The following FLCN variants were observed in gnomAD, a reference collection of about 807,000 sequenced individuals.
FLCN encodes the protein BHD skin lesion fibrofolliculoma protein.
Under a neutral mutation model 62.5 loss-of-function variants are expected in FLCN, and 22 were observed. The observed-to-expected ratio is 0.35, with a 90% confidence interval of 0.25 to 0.50. The LOEUF is 0.50. Ranked by LOEUF, FLCN falls within the 20% of genes least tolerant of loss-of-function variation. FLCN has a pLI of 0.97. For missense variants in FLCN, 657 were observed against 778.0 expected (o/e 0.84, Z 1.85); for synonymous variants, 319 against 310.0 (o/e 1.03, Z -0.30).
At chr17:17,217,598 G>A (rs2046965929) in intron 9 of FLCN, 3 of 327,980 alleles carry the variant, frequency 9.1e-6, no homozygotes, top group Admixed American at 8.9e-5. Context: ...AGCCAGGAGT[G>A]CCTGGACGGA....
At position 17,219,218 on chromosome 17, in the gene FLCN, C is replaced by G; in HGVS notation, c.872-9G>C. The G allele has an allele frequency of 4.3e-6, 7 of 1,613,544 alleles. No individual in the cohort carries two copies. Among genetic ancestry groups the G allele is most frequent in the Non-Finnish European group, 5.9e-6 (7 of 1,179,992 alleles). ...TGATTCCTCTTCTAAATCTGCAAGA[C>G]AGATGACAAGGACAGTTACAGATAC... On this transcript the variant is annotated splice_polypyrimidine_tract_variant and intron_variant, in intron 8 of 13. Transcript: ENST00000285071.
At position 17,222,632 on chromosome 17, in the gene FLCN, T is replaced by C; in HGVS notation, c.648A>G (p.Pro216=). Residue 216 remains proline, a synonymous_variant, in exon 7 of 14, where the codon CCA becomes CCG. Transcript: ENST00000285071. The stretch of plus-strand genomic sequence containing the variant: ...CTGTGTTCATCCTCTGAGCACGCTG[T>C]GGGCATCCAAACTGCTCTGCCTCAA... ...KVFEAEQFGC[P]QRAQRMNTAF... is the part of the protein sequence containing the mutation. The C allele has an allele frequency of 6.2e-7, 1 of 1,614,218 alleles. No homozygotes were observed.
rs571094936 is a variant in FLCN, at chr17:17,231,334, A to C, written c.-25+460T>G. 4.9e-4 allele frequency among the ~76,000 whole-genome samples: 74 copies of C among 152,290 alleles called. No individual in the cohort carries two copies. In the Middle Eastern group the frequency reaches 0.02, roughly 42 times the overall value. On this transcript the variant is annotated intron_variant, in intron 3 of 13. Coordinates refer to ENST00000285071, the MANE Select transcript of FLCN (RefSeq NM_144997.7). ...CCCTCTGAATAGCCCAGGTCACAGA[A>C]TATTTCTGCCTTCCCAGAAAGCCCC...
intron 6 of FLCN, 73 bp downstream of exon 6, chr17:17,223,849 C>G: frequency 2.0e-6 from 3 of 1,527,504 alleles, no homozygotes; most frequent in Non-Finnish European, 2.7e-6. Flanking sequence ...GTCTCCAGGC[C>G]TCAACCTCAG....
At chr17:17,225,879 A>T in intron 5 of FLCN, 1 of 475,550 alleles carries the variant, frequency 2.1e-6, no homozygotes, top group South Asian at 2.1e-5. Context: ...AGACCCTGAC[A>T]CAAAAGAAGG....
At chr17:17,230,808 G>A (rs142583750) in intron 3 of FLCN, among the ~76,000 whole-genome samples, 30 of 151,190 alleles carry the variant, frequency 2.0e-4, no homozygotes, top group African/African-American at 5.8e-4. Context: ...CAGGAGAATC[G>A]CTCGAACCTG....
intron 4 of FLCN, 141 bp from the exon 5 acceptor site, chr17:17,226,463 AGATT>A: frequency 9.8e-7 from 1 of 1,021,804 alleles, no homozygotes; most frequent in Non-Finnish European, 1.5e-6. Context: ...ACTTATCTGA[AGATT>A]TAAATGTTTC....
Position 17,234,203 on chromosome 17 carries a change from GT to G in FLCN, c.-227-1303del, listed in dbSNP as rs746759302. On this transcript the variant is annotated intron_variant, in intron 1 of 13. Transcript: ENST00000285071. ...GAGCCAACATGGGCTACACTGTTTT[GT>G]TTTTTTTTGGTTTGTTTTTTTTTTT... 8.9e-4 allele frequency among the ~76,000 whole-genome samples: 116 copies of G among 130,822 alleles called. 1 individual carries two copies. The highest frequency in any genetic ancestry group is 1.6e-3 in the Non-Finnish European group (99 of 60,272). The allele number at this position is 130,822 out of a possible 152,430, so 85.8% of individuals were successfully genotyped here.
At chr17:17,223,762 C>T (rs532363488) in intron 6 of FLCN, among the ~76,000 whole-genome samples, 160 bp downstream of exon 6, 10 of 152,378 alleles carry the variant, frequency 6.6e-5, no homozygotes, top group African/African-American at 1.2e-4. Flanking sequence ...AGGCTCCTCA[C>T]GACCTCCAGC....
intron 13 of FLCN, among the ~76,000 whole-genome samples, chr17:17,214,118 C>T (rs1597575328): frequency 6.6e-6 from 1 of 151,516 alleles, no homozygotes; most frequent in East Asian, 1.9e-4. Context: ...CACACCCTCC[C>T]TCAAGCTGTT....
rs763604691 is a variant in FLCN, at chr17:17,213,671, G to A, written c.1724C>T (p.Ser575Leu). ...TGTGACGGGTCAGTTCCGAGACTCC[G>A]AGGCTGTGGGGCTGCGGACCGTGGA... ...LMSTVRSPTA[S>L]ESRN is the part of the protein sequence containing the mutation. Residue 575 changes from serine to leucine, a missense_variant, in exon 14 of 14, where the codon TCG (serine) becomes TTG (leucine). Coordinates refer to ENST00000285071, the MANE Select transcript of FLCN (RefSeq NM_144997.7). The A allele has an allele frequency of 6.2e-6, 10 of 1,614,012 alleles. No homozygotes were observed. Among genetic ancestry groups the A allele is most frequent in the African/African-American group, 4.0e-5 (3 of 74,916 alleles).
Position 17,227,936 on chromosome 17 carries a change from T to G in FLCN, c.202A>C (p.Ser68Arg), listed in dbSNP as rs587778365. The G allele has an allele frequency of 2.5e-6, 4 of 1,614,132 alleles. No individual in the cohort carries two copies. Among genetic ancestry groups the G allele is most frequent in the Non-Finnish European group, 3.4e-6 (4 of 1,180,038 alleles). ...GGCCCCGGGCTGCTGGACTCGACGC[T>G]GGCCCCCTCTGCGGGGCTGTGCGCA... ...MRAHSPAEGA[S>R]VESSSPGPKK... The change falls in exon 4 of 14, where the codon AGC (serine) becomes CGC (arginine). Residue 68 changes from serine to arginine, a missense_variant. Transcript: ENST00000285071.
intron 8 of FLCN, chr17:17,221,220 A>G (rs945373427): frequency 6.5e-7 from 1 of 1,529,698 alleles, no homozygotes; most frequent in Admixed American, 2.0e-5. Context: ...CGACCAGGCC[A>G]AGCACTTGGC....
intron 5 of FLCN, chr17:17,225,810 G>A: frequency 2.8e-6 from 1 of 361,332 alleles, no homozygotes; most frequent in Non-Finnish European, 5.6e-6. Context: ...GAGCCCAGGA[G>A]TTTGAGGTTG....
rs1426141540 is a variant in FLCN, at chr17:17,212,818, G to A, written c.*837C>T. On this transcript the variant is annotated 3_prime_UTR_variant, in exon 14 of 14. Transcript: ENST00000285071. ...AAAAGTACAGTGGGATGATGAAATT[G>A]TCTTCAATCACCACACTCCGAAAAT... The A allele has an allele frequency of 9.0e-6, 2 of 222,732 alleles. No individual in the cohort carries two copies. Among genetic ancestry groups the A allele is most frequent in the African/African-American group, 2.2e-5 (1 of 44,642 alleles). 13.8% of individuals were successfully genotyped at this position (222,732 alleles called of 1,614,324 possible).
intron 8 of FLCN, chr17:17,219,462 G>A (rs373537856): frequency 1.2e-5 from 6 of 506,862 alleles, no homozygotes; most frequent in African/African-American, 9.7e-5. Context: ...CTCTGCTGGT[G>A]AGAAAACTCA....
At position 17,212,805 on chromosome 17, in the gene FLCN, G is replaced by C. The variant is rs185759963; in HGVS notation, c.*850C>G. ...CCCTCTCAAAAAAAAAAGTACAGTGGGATGATGAAATTGTCTTCAATCACC... is the reference window on the plus strand; with the variant it reads ...CCCTCTCAAAAAAAAAAGTACAGTGCGATGATGAAATTGTCTTCAATCACC... On this transcript the variant is annotated 3_prime_UTR_variant, in exon 14 of 14. Coordinates refer to ENST00000285071, the MANE Select transcript of FLCN (RefSeq NM_144997.7). 5 of 218,934 alleles carry C rather than the reference G, an allele frequency of 2.3e-5. No individual in the cohort carries two copies. The East Asian group carries it at 3.3e-4, about 15-fold the overall frequency. The allele number at this position is 218,934 out of a possible 1,614,324, so 13.6% of individuals were successfully genotyped here.
rs1443284404 is a variant in FLCN, at chr17:17,223,902, C to A, written c.618+20G>T. 1 of 1,612,912 alleles carries A rather than the reference C, an allele frequency of 6.2e-7. No homozygotes were observed. On this transcript the variant is annotated intron_variant, in intron 6 of 13. Transcript: ENST00000285071. ...AGTGCAGGGCCCCCTGCCGCCCCGGCACCTCATCTCTGAATTCACCTTGAG... is the reference window on the plus strand; with the variant it reads ...AGTGCAGGGCCCCCTGCCGCCCCGGAACCTCATCTCTGAATTCACCTTGAG...
chr17:17,224,341 A>C, intron 5 of FLCN, 198 bp from the exon 6 acceptor site: 1 of 615,824 alleles, frequency 1.6e-6, no homozygotes. Flanking sequence ...AACACTTGTC[A>C]TTGTGGACTG....
Sources: gnomAD v4.1 joint callset for allele counts (sites outside exome capture counted in the v4.1 genomes callset) on GRCh38, gnomAD v4.1.1 for gene constraint, MANE v1.5 for transcripts, NCBI Gene and HGNC (gene_info 2026-07-23, HGNC 2026-07-21) for gene names.